The following SPAG9 variants were observed in gnomAD, a reference collection of about 807,000 sequenced individuals.
The protein encoded by SPAG9 is C-Jun-amino-terminal kinase-interacting protein 4.
SPAG9 carries 35 observed loss-of-function variants against 166.5 expected under a neutral mutation model. The observed-to-expected ratio is 0.21, with a 90% CI of 0.16 to 0.28. The LOEUF is 0.28. Among genes scored for constraint, SPAG9 ranks in the 10% least tolerant of loss-of-function variants. SPAG9 has a pLI of 1.00. For missense variants in SPAG9, 1,235 were observed against 1,603.3 expected, an observed-to-expected ratio of 0.77 and a Z score of 3.92; for synonymous variants, 534 against 565.5, an observed-to-expected ratio of 0.94 and a Z score of 0.79.
chr17:51,026,825 C>T lies in SPAG9; in HGVS notation c.783+4856G>A, dbSNP rs1279764892. ...CCGAGTAGCTGGGATTACAGGCATG[C>T]GCCACCATGCCCAGCTAATTTTGTA... On this transcript the variant is annotated intron_variant, in intron 6 of 29. Coordinates refer to ENST00000262013, the MANE Select transcript of SPAG9 (RefSeq NM_001130528.3). Among the ~76,000 whole-genome samples, 7 of 151,732 alleles carry T rather than the reference C, an allele frequency of 4.6e-5. No individual in the cohort carries two copies. The South Asian group carries it at 6.2e-4, about 14-fold the overall frequency.
intron 11 of SPAG9, among the ~76,000 whole-genome samples, chr17:51,005,799 C>T (rs1746225048): frequency 6.6e-6 from 1 of 152,204 alleles, no homozygotes; most frequent in African/African-American, 2.4e-5. Flanking sequence ...TGCAGTGAGC[C>T]AAGGCTTTGC....
intron 28 of SPAG9, 121 bp downstream of exon 28, chr17:50,974,650 C>T (rs867798474): frequency 3.7e-6 from 3 of 804,138 alleles, no homozygotes; most frequent in East Asian, 3.1e-5. Context: ...GAACTTCCTT[C>T]GTATATATTG....
chr17:51,087,722 T>G (rs1022719053), intron 1 of SPAG9, among the ~76,000 whole-genome samples: 3 of 152,164 alleles, frequency 2.0e-5, no homozygotes, highest in Non-Finnish European at 2.9e-5. Context: ...TTGTTTAATT[T>G]AATTTTTAAT....
chr17:51,102,400 T>C (rs937373870), intron 1 of SPAG9, among the ~76,000 whole-genome samples: 1 of 143,584 alleles, frequency 7.0e-6, no homozygotes, highest in African/African-American at 2.6e-5. Context: ...TGAGACTCTG[T>C]CTGCAAAAAA....
At chr17:50,983,686 C>T (rs1428336214) in intron 24 of SPAG9, among the ~76,000 whole-genome samples, 1 of 152,178 alleles carries the variant, frequency 6.6e-6, no homozygotes, top group Non-Finnish European at 1.5e-5. Flanking sequence ...TTTACCAAAA[C>T]ATGCATTGTT....
chr17:50,967,128 C>T (rs1973415044), intron 29 of SPAG9, among the ~76,000 whole-genome samples: 1 of 152,218 alleles, frequency 6.6e-6, no homozygotes, highest in African/African-American at 2.4e-5. Flanking sequence ...ACACCACACT[C>T]CTCTCCATAA....
chr17:50,973,329 G>C (rs1190836369), intron 28 of SPAG9, among the ~76,000 whole-genome samples: 1 of 152,192 alleles, frequency 6.6e-6, no homozygotes, highest in Non-Finnish European at 1.5e-5. Context: ...AATGGGATTG[G>C]AGAGGGATAC....
intron 5 of SPAG9, among the ~76,000 whole-genome samples, chr17:51,037,192 T>G (rs921826311): frequency 9.9e-5 from 15 of 152,170 alleles, no homozygotes; most frequent in Non-Finnish European, 1.5e-4. Flanking sequence ...AGCCTCAGCC[T>G]CCCAGGCTCA....
At chr17:51,086,181 T>C (rs1394219930) in intron 1 of SPAG9, among the ~76,000 whole-genome samples, 5 of 151,958 alleles carry the variant, frequency 3.3e-5, no homozygotes, top group African/African-American at 7.2e-5. Context: ...GGTTTCAGTA[T>C]GTTGGCTGGG....
chr17:50,976,828 GA>G, intron 27 of SPAG9: 1 of 283,526 alleles, frequency 3.5e-6, no homozygotes. Flanking sequence ...TAAGGCTTAA[GA>G]AAAATGGACT....
rs1236437954 is a variant in SPAG9, at chr17:51,120,720, CGGGACGGACCCGACTCGGGCT to C, written c.-85_-65del. The C allele has an allele frequency of 1.4e-6, 2 of 1,407,988 alleles. No homozygotes were observed. Among genetic ancestry groups the C allele is most frequent in the Non-Finnish European group, 1.9e-6 (2 of 1,047,916 alleles). The allele number at this position is 1,407,988 out of a possible 1,614,324, so 87.2% of individuals were successfully genotyped here. A position where few individuals can be genotyped will look rare whatever the true frequency, so the allele number is the denominator to read the frequency against. ...GGCAGAGGGGCGGCACCTGCCCGCA[CGGGACGGACCCGACTCGGGCT>C]GGGACGGGTACTAGGGCTGGAGCCC... On this transcript the variant is annotated 5_prime_UTR_variant, in exon 1 of 30. Transcript: ENST00000262013. The surrounding 1 kb of genome is among the most constrained non-coding windows in gnomAD (Gnocchi z 4.7).
intron 21 of SPAG9, 196 bp downstream of exon 21, chr17:50,989,481 G>A (rs868517417): frequency 1.1e-5 from 7 of 637,226 alleles, no homozygotes; most frequent in South Asian, 7.4e-5. Context: ...ATTGGAAGGT[G>A]TACAGAAGAA....
At chr17:50,989,257 G>A (rs1975333865) in intron 21 of SPAG9, among the ~76,000 whole-genome samples, 1 of 152,174 alleles carries the variant, frequency 6.6e-6, no homozygotes, top group South Asian at 2.1e-4. Flanking sequence ...ACAGTATTCA[G>A]TACAGTAACA....
intron 2 of SPAG9, among the ~76,000 whole-genome samples, chr17:51,057,677 T>C (rs1040180344): frequency 1.3e-5 from 2 of 152,198 alleles, no homozygotes; most frequent in African/African-American, 4.8e-5. Flanking sequence ...TAGCTGTCTT[T>C]GTTTTGATTT....
At chr17:51,050,090 G>A (rs1351951945) in intron 3 of SPAG9, among the ~76,000 whole-genome samples, 1 of 152,084 alleles carries the variant, frequency 6.6e-6, no homozygotes, top group Non-Finnish European at 1.5e-5. Context: ...TCCCCCAATA[G>A]CCATTCTACA....
chr17:51,070,555 C>T (rs1405155822), intron 2 of SPAG9, among the ~76,000 whole-genome samples: 6 of 152,116 alleles, frequency 3.9e-5, no homozygotes, highest in African/African-American at 1.4e-4. Flanking sequence ...AAATGACCAA[C>T]CAACCAACAG....
chr17:51,014,480 T>C, intron 8 of SPAG9, 127 bp from the exon 9 acceptor site: 1 of 750,550 alleles, frequency 1.3e-6, no homozygotes. Context: ...CTAGAAAATA[T>C]AACTTAAAAA....
At chr17:50,982,418 C>A in intron 25 of SPAG9, 106 bp downstream of exon 25, 1 of 1,087,178 alleles carries the variant, frequency 9.2e-7, no homozygotes, top group South Asian at 1.8e-5. Flanking sequence ...CCCTAAAACA[C>A]ACAGATCCAG....
intron 19 of SPAG9, among the ~76,000 whole-genome samples, chr17:50,992,893 C>T (rs1975714459): frequency 6.6e-6 from 1 of 151,750 alleles, no homozygotes; most frequent in Admixed American, 6.6e-5. Flanking sequence ...TCTAGGAGTT[C>T]GAGACCAACC....
Sources: allele counts gnomAD v4.1 joint callset (sites outside exome capture counted in the v4.1 genomes callset), GRCh38; gene constraint gnomAD v4.1.1; non-coding constraint Gnocchi (gnomAD v3.1); transcripts MANE v1.5; gene names NCBI Gene and HGNC (gene_info 2026-07-23, HGNC 2026-07-21).